Variants in CLSTN2 observed in about 807,000 individuals in gnomAD.
CLSTN2 encodes the protein calsyntenin-2.
Under a neutral mutation model 101.2 loss-of-function variants are expected in CLSTN2, and 48 were observed. The observed-to-expected ratio is 0.47, with a 90% CI of 0.38 to 0.60. CLSTN2 has a LOEUF of 0.60. CLSTN2 is among the 20% of genes least tolerant of loss of function. The pLI, the probability that CLSTN2 is intolerant of heterozygous loss-of-function variation, is 0.00. For missense variants in CLSTN2, 1,160 were observed against 1,238.2 expected (o/e 0.94, Z 0.95); for synonymous variants, 481 against 463.6 (o/e 1.04, Z -0.48).
At chr3:140,102,323 A>G (rs2008980645) in intron 1 of CLSTN2, among the ~76,000 whole-genome samples, 2 of 152,202 alleles carry the variant, frequency 1.3e-5, no homozygotes, top group African/African-American at 4.8e-5. Context: ...TCCCATGGAC[A>G]ATCTAGAACC....
intron 8 of CLSTN2, among the ~76,000 whole-genome samples, chr3:140,472,159 C>T (rs1416071311): frequency 6.6e-6 from 1 of 152,098 alleles, no homozygotes; most frequent in African/African-American, 2.4e-5. Flanking sequence ...CCCTTCAACC[C>T]AGGTCCATGG....
intron 8 of CLSTN2, among the ~76,000 whole-genome samples, chr3:140,473,300 C>T (rs1010169544): frequency 1.2e-4 from 18 of 152,182 alleles, no homozygotes; most frequent in African/African-American, 4.3e-4. Context: ...CACCTCTGGG[C>T]TCTGTTAGGT....
intron 7 of CLSTN2, among the ~76,000 whole-genome samples, chr3:140,465,903 G>A (rs560634329): frequency 2.1e-4 from 32 of 152,100 alleles, no homozygotes; most frequent in Admixed American, 1.0e-3. Context: ...TAAGGTTCAA[G>A]TTCTCTAAGA....
At chr3:140,322,801 C>A (rs1459363223) in intron 2 of CLSTN2, among the ~76,000 whole-genome samples, 2 of 152,076 alleles carry the variant, frequency 1.3e-5, no homozygotes, top group Admixed American at 6.5e-5. Context: ...ATCAGTGAAT[C>A]AAAAAATAAA....
chr3:140,289,226 G>T (rs1045035307), intron 2 of CLSTN2, among the ~76,000 whole-genome samples: 2 of 152,132 alleles, frequency 1.3e-5, no homozygotes, highest in African/African-American at 2.4e-5. Flanking sequence ...GGAAACTGAG[G>T]CAGAGGTTCT....
chr3:140,403,585 G>A, intron 2 of CLSTN2, 44 bp from the exon 3 acceptor site: 1 of 1,499,006 alleles, frequency 6.7e-7, no homozygotes, highest in Non-Finnish European at 9.1e-7. Flanking sequence ...CTTCAGTCTG[G>A]CAATTCTCAG....
intron 2 of CLSTN2, among the ~76,000 whole-genome samples, chr3:140,305,072 T>C (rs2087099565): frequency 6.6e-6 from 1 of 150,784 alleles, no homozygotes; most frequent in African/African-American, 2.4e-5. Flanking sequence ...TCTCTCTCTC[T>C]GTCTCTCTTT....
rs992867258 is a variant in CLSTN2, at chr3:140,568,553, A to G, written c.*2300A>G. On this transcript the variant is annotated 3_prime_UTR_variant, in exon 17 of 17. Transcript: ENST00000458420. ...AGGACTGATTAGTTTTCACAATCCCATTTAAATAAAAAAAAGATCTTTAGT... is the reference window on the plus strand; with the variant it reads ...AGGACTGATTAGTTTTCACAATCCCGTTTAAATAAAAAAAAGATCTTTAGT... 1 of 151,126 alleles carries G rather than the reference A, an allele frequency of 6.6e-6. No individual in the cohort carries two copies. Among genetic ancestry groups the G allele is most frequent in the African/African-American group, 2.4e-5 (1 of 41,104 alleles). 9.4% of individuals were successfully genotyped at this position (151,126 alleles called of 1,614,324 possible).
intron 6 of CLSTN2, among the ~76,000 whole-genome samples, chr3:140,451,856 T>C (rs1276965236): frequency 6.6e-6 from 1 of 152,194 alleles, no homozygotes; most frequent in African/African-American, 2.4e-5. Context: ...TCAGTATTCA[T>C]GCATTTTTCA....
chr3:140,012,638 T>G (rs1234233594), intron 1 of CLSTN2, among the ~76,000 whole-genome samples: 3 of 152,148 alleles, frequency 2.0e-5, no homozygotes, highest in South Asian at 2.1e-4. Context: ...CAGAACTGCA[T>G]CTCATCGACT....
intron 4 of CLSTN2, among the ~76,000 whole-genome samples, chr3:140,414,174 A>T (rs2088399879): frequency 6.6e-6 from 1 of 152,116 alleles, no homozygotes; most frequent in Non-Finnish European, 1.5e-5. Flanking sequence ...AGACTGCTGT[A>T]ACTAATAAAT....
At chr3:139,974,060 A>T (rs1388486489) in intron 1 of CLSTN2, among the ~76,000 whole-genome samples, 1 of 152,180 alleles carries the variant, frequency 6.6e-6, no homozygotes, top group African/African-American at 2.4e-5. Context: ...CTGGCCCTGG[A>T]ACTTAGGGTG....
At chr3:140,401,543 C>T (rs961199665) in intron 2 of CLSTN2, among the ~76,000 whole-genome samples, 4 of 152,182 alleles carry the variant, frequency 2.6e-5, no homozygotes, top group African/African-American at 9.7e-5. Context: ...CTCTCCTTTT[C>T]TGTTGTTAAG....
intron 5 of CLSTN2, among the ~76,000 whole-genome samples, chr3:140,422,885 A>AAATG (rs1043696058): frequency 7.9e-5 from 12 of 152,212 alleles, no homozygotes; most frequent in Admixed American, 1.3e-4. Context: ...ATGAATGAAT[A>AAATG]AATGAATGAA....
At chr3:140,303,869 C>A (rs908795121) in intron 2 of CLSTN2, among the ~76,000 whole-genome samples, 16 of 151,642 alleles carry the variant, frequency 1.1e-4, no homozygotes, top group African/African-American at 3.9e-4. Flanking sequence ...GATCAACATT[C>A]ACTGGGAGGG....
chr3:140,305,783 C>T (rs573196271), intron 2 of CLSTN2, among the ~76,000 whole-genome samples: 1 of 151,118 alleles, frequency 6.6e-6, no homozygotes, highest in South Asian at 2.1e-4. Context: ...AAGTGAGGCA[C>T]GGGATTGTAT....
chr3:140,467,967 C>T (rs888529433), intron 8 of CLSTN2, among the ~76,000 whole-genome samples: 3 of 152,214 alleles, frequency 2.0e-5, no homozygotes, highest in African/African-American at 7.2e-5. Context: ...GGTGGAACTC[C>T]AGGCAATGTG....
At chr3:140,224,066 A>T (rs1297943739) in intron 2 of CLSTN2, among the ~76,000 whole-genome samples, 1 of 152,216 alleles carries the variant, frequency 6.6e-6, no homozygotes, top group Non-Finnish European at 1.5e-5. Flanking sequence ...TAATACCCTT[A>T]CAGTATAGTG....
At chr3:139,949,860 A>T (rs1935265073) in intron 1 of CLSTN2, among the ~76,000 whole-genome samples, 1 of 152,210 alleles carries the variant, frequency 6.6e-6, no homozygotes, top group South Asian at 2.1e-4. Flanking sequence ...CCTAGACTGT[A>T]CAAGTTTTAA....
Sources: gnomAD v4.1 joint callset for allele counts (sites outside exome capture counted in the v4.1 genomes callset) on GRCh38, gnomAD v4.1.1 for gene constraint, MANE v1.5 for transcripts, NCBI Gene and HGNC (gene_info 2026-07-23, HGNC 2026-07-21) for gene names.